CAMK2D: variants seen among roughly 807,000 people sequenced by gnomAD.
The protein encoded by CAMK2D is calcium/calmodulin-dependent protein kinase type II subunit delta.
Under a neutral mutation model 84.0 loss-of-function variants are expected in CAMK2D, and 37 were observed. The observed-to-expected ratio is 0.44, with a 90% CI of 0.34 to 0.58. CAMK2D has a LOEUF of 0.58. Among genes scored for constraint, CAMK2D ranks in the 20% least tolerant of loss-of-function variants. CAMK2D has a pLI of 0.02. For missense variants in CAMK2D, 448 were observed against 652.5 expected (o/e 0.69, Z 3.41); for synonymous variants, 202 against 212.5 (o/e 0.95, Z 0.43).
chr4:113,759,175 T>C (rs2099635219), intron 2 of CAMK2D, 145 bp downstream of exon 2: 1 of 465,978 alleles, frequency 2.1e-6, no homozygotes, highest in Non-Finnish European at 3.8e-6. Context: ...CAAGAAGCAT[T>C]CAGGAAGAAA....
chr4:113,623,546 T>C (rs761539004), intron 3 of CAMK2D, among the ~76,000 whole-genome samples: 1 of 152,178 alleles, frequency 6.6e-6, no homozygotes, highest in African/African-American at 2.4e-5. Context: ...ACACCTAGCC[T>C]ATATGGTAGT....
At chr4:113,638,502 A>C (rs2154292378) in intron 3 of CAMK2D, among the ~76,000 whole-genome samples, 1 of 152,302 alleles carries the variant, frequency 6.6e-6, no homozygotes, top group Middle Eastern at 3.4e-3. Context: ...TGCAAAACAC[A>C]ATGTGCTCTC....
chr4:113,481,914 G>T (rs1564527057), intron 16 of CAMK2D, among the ~76,000 whole-genome samples: 1 of 152,236 alleles, frequency 6.6e-6, no homozygotes, highest in Non-Finnish European at 1.5e-5. Context: ...ACCAGACATG[G>T]AATAGTAAGT....
At chr4:113,569,580 A>G (rs1359697893) in intron 4 of CAMK2D, among the ~76,000 whole-genome samples, 1 of 152,222 alleles carries the variant, frequency 6.6e-6, no homozygotes, top group Non-Finnish European at 1.5e-5. Flanking sequence ...GAGAATATAA[A>G]ACAAAACAAT....
chr4:113,577,452 A>G (rs2098788668), intron 4 of CAMK2D, among the ~76,000 whole-genome samples: 1 of 152,092 alleles, frequency 6.6e-6, no homozygotes, highest in Non-Finnish European at 1.5e-5. Context: ...AAAACTCTCC[A>G]TTCTCCCCCT....
chr4:113,756,077 G>C (rs1562251118), intron 2 of CAMK2D, among the ~76,000 whole-genome samples: 1 of 151,828 alleles, frequency 6.6e-6, no homozygotes, highest in Non-Finnish European at 1.5e-5. Context: ...TAACACAAAA[G>C]GTAAGAAATT....
rs116316053 is a variant in CAMK2D at position 113,639,985 on chromosome 4, A to C, written c.220+21728T>G. Among the ~76,000 whole-genome samples, 536 of 152,208 alleles carry C rather than the reference A, an allele frequency of 3.5e-3. 2 individuals carry two copies. Among genetic ancestry groups the C allele is most frequent in the African/African-American group, 0.013 (520 of 41,528 alleles). On this transcript the variant is annotated intron_variant, in intron 3 of 20. Coordinates refer to ENST00000511664, the MANE Select transcript of CAMK2D (RefSeq NM_001321571.2). Reference sequence around the variant, plus strand: ...AGCATGTGGGTTAGGGGGAGGGGATAGATTTAAAAGCCACTGAGAAAGTTG... The same window carrying C: ...AGCATGTGGGTTAGGGGGAGGGGATCGATTTAAAAGCCACTGAGAAAGTTG...
At chr4:113,677,737 T>C (rs1388745682) in intron 2 of CAMK2D, 1 of 152,968 alleles carries the variant, frequency 6.5e-6, no homozygotes, top group Non-Finnish European at 1.5e-5. Context: ...ATATGTGATA[T>C]ATATGATATG....
At chr4:113,731,962 T>C (rs1193573495) in intron 2 of CAMK2D, among the ~76,000 whole-genome samples, 3 of 152,092 alleles carry the variant, frequency 2.0e-5, no homozygotes, top group African/African-American at 4.8e-5. Context: ...AGAAGTAATA[T>C]GATTACAGGG....
intron 7 of CAMK2D, among the ~76,000 whole-genome samples, chr4:113,536,236 G>C (rs930915557): frequency 6.6e-6 from 1 of 152,156 alleles, no homozygotes; most frequent in East Asian, 1.9e-4. Flanking sequence ...TTAAACATGA[G>C]AGAGACTTCA....
intron 4 of CAMK2D, among the ~76,000 whole-genome samples, chr4:113,571,394 A>C (rs1353039381): frequency 6.6e-6 from 1 of 152,218 alleles, no homozygotes; most frequent in Non-Finnish European, 1.5e-5. Context: ...AGTGTCCATC[A>C]ACAGATGTGT....
intron 3 of CAMK2D, among the ~76,000 whole-genome samples, chr4:113,622,414 CA>C (rs2099049947): frequency 6.6e-6 from 1 of 152,172 alleles, no homozygotes; most frequent in Non-Finnish European, 1.5e-5. Context: ...CAAATTCCTT[CA>C]CATTCTCCCT....
At chr4:113,753,817 C>T (rs1477455323) in intron 2 of CAMK2D, 3 of 982,282 alleles carry the variant, frequency 3.1e-6, no homozygotes, top group Non-Finnish European at 1.2e-6. Context: ...GGTACTTAAG[C>T]CCCATCTACA....
chr4:113,641,373 G>A (rs905257000), intron 3 of CAMK2D, among the ~76,000 whole-genome samples: 4 of 152,092 alleles, frequency 2.6e-5, no homozygotes, highest in Non-Finnish European at 4.4e-5. Flanking sequence ...GTAAAGGCTC[G>A]ATATTTACTG....
chr4:113,630,530 C>A (rs2099085334), intron 3 of CAMK2D, among the ~76,000 whole-genome samples: 1 of 152,114 alleles, frequency 6.6e-6, no homozygotes, highest in South Asian at 2.1e-4. Flanking sequence ...GAAAAAAAGT[C>A]CCAAGACTAA....
rs375441633 is a variant in CAMK2D at position 113,679,548 on chromosome 4, A to G, written c.161-17776T>C. 1.4e-4 allele frequency: 83 copies of G among 574,550 alleles called. No individual in the cohort carries two copies. The African/African-American group carries it at 1.6e-3, about 11-fold the overall frequency. The allele number at this position is 574,550 out of a possible 1,614,324, so 35.6% of individuals were successfully genotyped here. A position where few individuals can be genotyped will look rare whatever the true frequency, so the allele number is the denominator to read the frequency against. ...GTAAAAGAAACCCACAGAAATAGTA[A>G]GTCATATCCCTTAACCATGGGTAGA... On this transcript the variant is annotated intron_variant, in intron 2 of 20. Transcript: ENST00000511664.
At chr4:113,592,643 T>TC (rs1425955830) in intron 4 of CAMK2D, among the ~76,000 whole-genome samples, 2 of 152,188 alleles carry the variant, frequency 1.3e-5, no homozygotes, top group East Asian at 3.8e-4. Flanking sequence ...GATTTTTTTT[T>TC]CTGAGAAATA....
chr4:113,473,213 T>C (rs2097567658), intron 16 of CAMK2D, among the ~76,000 whole-genome samples: 1 of 152,210 alleles, frequency 6.6e-6, no homozygotes, highest in Non-Finnish European at 1.5e-5. Context: ...GGGTGCCCCG[T>C]GGTTTTATTG....
intron 6 of CAMK2D, among the ~76,000 whole-genome samples, chr4:113,541,395 C>T (rs1184395640): frequency 6.6e-6 from 1 of 152,116 alleles, no homozygotes; most frequent in Non-Finnish European, 1.5e-5. Flanking sequence ...ATTTACTACC[C>T]ATATCCAAAA....
Sources: gnomAD v4.1 joint callset for allele counts (sites outside exome capture counted in the v4.1 genomes callset) on GRCh38, gnomAD v4.1.1 for gene constraint, MANE v1.5 for transcripts, NCBI Gene and HGNC (gene_info 2026-07-23, HGNC 2026-07-21) for gene names.